The following ANK2 variants were observed in gnomAD, a reference collection of about 807,000 sequenced individuals.
The protein encoded by ANK2 is ankyrin-2.
Under a neutral mutation model 360.5 loss-of-function variants are expected in ANK2, and 83 were observed. That is an observed-to-expected ratio of 0.23 (90% CI 0.19 to 0.28). ANK2 has a LOEUF of 0.28. ANK2 is among the 10% of genes least tolerant of loss of function. The pLI, the probability that ANK2 is intolerant of heterozygous loss-of-function variation, is 1.00. For missense variants in ANK2, 4,201 were observed against 4,795.7 expected, an observed-to-expected ratio of 0.88 and a Z score of 3.66; for synonymous variants, 1,740 against 1,759.5, an observed-to-expected ratio of 0.99 and a Z score of 0.28.
chr4:112,953,627 A>G (rs1393994035), intron 2 of ANK2, among the ~76,000 whole-genome samples: 1 of 152,214 alleles, frequency 6.6e-6, no homozygotes, highest in East Asian at 1.9e-4. Flanking sequence ...TCTTTCAGAT[A>G]GTTATTAATT....
intron 2 of ANK2, among the ~76,000 whole-genome samples, chr4:112,991,988 T>G (rs1470059680): frequency 6.6e-6 from 1 of 152,148 alleles, no homozygotes; most frequent in African/African-American, 2.4e-5. Flanking sequence ...TTACGTATTC[T>G]CTGAGAAGAT....
intron 2 of ANK2, among the ~76,000 whole-genome samples, chr4:112,936,440 C>A (rs552330587): frequency 6.6e-6 from 1 of 151,308 alleles, no homozygotes; most frequent in Non-Finnish European, 1.5e-5. Flanking sequence ...CCGCCTCCGG[C>A]GTTCAAGCGA....
At chr4:113,119,198 CA>C (rs2095146693) in intron 1 of ANK2, among the ~76,000 whole-genome samples, 1 of 152,166 alleles carries the variant, frequency 6.6e-6, no homozygotes, top group South Asian at 2.1e-4. Context: ...AAGCTAGAAC[CA>C]GAGTAAATTA....
chr4:112,972,672 A>T (rs747276363), intron 2 of ANK2, among the ~76,000 whole-genome samples: 6 of 152,140 alleles, frequency 3.9e-5, no homozygotes, highest in Non-Finnish European at 7.4e-5. Context: ...CCTCAACAAG[A>T]CTTTTTCCAG....
At chr4:113,306,701 A>T (rs923390532) in intron 23 of ANK2, among the ~76,000 whole-genome samples, 6 of 152,102 alleles carry the variant, frequency 3.9e-5, no homozygotes, top group Non-Finnish European at 5.9e-5. Flanking sequence ...ATATATATAT[A>T]TTTTCAGTTA....
the ANK2 span, chr4:112,706,869 C>T: frequency 6.6e-6 from 1 of 152,216 alleles, no homozygotes; most frequent in African/African-American, 2.4e-5. Flanking sequence ...GTTTCTTTGA[C>T]TGTTTGAATA....
intron 2 of ANK2, among the ~76,000 whole-genome samples, chr4:113,022,403 G>T (rs2058368394): frequency 6.6e-6 from 1 of 152,028 alleles, no homozygotes; most frequent in South Asian, 2.1e-4. Context: ...ACTGGACAGG[G>T]CTCTAGTTCA....
intron 1 of ANK2, among the ~76,000 whole-genome samples, chr4:113,064,799 G>T (rs1422493834): frequency 1.1e-5 from 1 of 89,838 alleles, no homozygotes; most frequent in African/African-American, 4.3e-5. Flanking sequence ...AGAAAGTTCT[G>T]TAGAACTTCT....
At chr4:113,115,226 A>G (rs2094643584) in intron 1 of ANK2, among the ~76,000 whole-genome samples, 1 of 152,228 alleles carries the variant, frequency 6.6e-6, no homozygotes, top group Admixed American at 6.5e-5. Flanking sequence ...TTATCTTTGC[A>G]GAAAGCCTGA....
At chr4:113,111,777 T>C (rs1473401810) in intron 1 of ANK2, among the ~76,000 whole-genome samples, 1 of 152,204 alleles carries the variant, frequency 6.6e-6, no homozygotes, top group Non-Finnish European at 1.5e-5. Flanking sequence ...CATTTGAAGA[T>C]ATTAGTTTCA....
chr4:112,757,238 G>C, the ANK2 span, among the ~76,000 whole-genome samples: 4 of 150,680 alleles, frequency 2.7e-5, no homozygotes, highest in East Asian at 8.0e-4. Context: ...TCTGCCTCTC[G>C]AGTAGCTGGG....
At chr4:113,230,422 G>A (rs376774400) in intron 4 of ANK2, among the ~76,000 whole-genome samples, 1 of 152,210 alleles carries the variant, frequency 6.6e-6, no homozygotes, top group African/African-American at 2.4e-5. Context: ...GGCTGAGGCA[G>A]GAGGATCGCT....
At chr4:113,294,826 C>T (rs1218836826) in intron 22 of ANK2, among the ~76,000 whole-genome samples, 1 of 152,136 alleles carries the variant, frequency 6.6e-6, no homozygotes, top group Non-Finnish European at 1.5e-5. Context: ...CTGCCTAGCA[C>T]CATACTTGTA....
rs563398109 is a variant in ANK2 at position 113,378,010 on chromosome 4, A to G, written c.11860-3447A>G. The G allele has an allele frequency of 1.8e-5, 10 of 570,276 alleles. No individual in the cohort carries two copies. In the African/African-American group the frequency reaches 1.8e-4, roughly 10 times the overall value. The allele number at this position is 570,276 out of a possible 1,614,324, so 35.3% of individuals were successfully genotyped here. On this transcript the variant is annotated intron_variant, in intron 45 of 45. Transcript: ENST00000357077. Reference sequence around the variant, plus strand: ...TCAAGTATATCTTTTCATACTGACTATGAGTAAAGCAAAGCAATAGATTGT... The same window carrying G: ...TCAAGTATATCTTTTCATACTGACTGTGAGTAAAGCAAAGCAATAGATTGT...
intron 1 of ANK2, among the ~76,000 whole-genome samples, chr4:113,093,279 A>G (rs765254186): frequency 6.6e-6 from 1 of 152,170 alleles, no homozygotes; most frequent in Non-Finnish European, 1.5e-5. Context: ...TAAGCTGCAA[A>G]CACATGTCCT....
At chr4:112,878,199 A>G (rs984062081) in intron 1 of ANK2, among the ~76,000 whole-genome samples, 4 of 90,488 alleles carry the variant, frequency 4.4e-5, no homozygotes, top group African/African-American at 2.4e-4. Context: ...TGCCTCTGAG[A>G]AATCTTCATC....
intron 2 of ANK2, among the ~76,000 whole-genome samples, chr4:113,026,901 A>G (rs907822412): frequency 1.3e-5 from 2 of 152,102 alleles, no homozygotes; most frequent in African/African-American, 4.8e-5. Flanking sequence ...TTTTTTCAGT[A>G]GTTGGGATGG....
chr4:113,344,556 G>A (rs1278924794), intron 34 of ANK2, among the ~76,000 whole-genome samples: 1 of 152,074 alleles, frequency 6.6e-6, no homozygotes, highest in Non-Finnish European at 1.5e-5. Context: ...ACACCCACAA[G>A]AATTTAAAGT....
intron 10 of ANK2, among the ~76,000 whole-genome samples, chr4:113,253,394 G>C (rs2047546868): frequency 6.6e-6 from 1 of 152,088 alleles, no homozygotes; most frequent in Non-Finnish European, 1.5e-5. Context: ...GTACCTGTAT[G>C]CTGGTGCCAC....
Sources: gnomAD v4.1 joint callset for allele counts (sites outside exome capture counted in the v4.1 genomes callset) on GRCh38, gnomAD v4.1.1 for gene constraint, MANE v1.5 for transcripts, NCBI Gene and HGNC (gene_info 2026-07-23, HGNC 2026-07-21) for gene names.